ENAH: variants seen among roughly 807,000 people sequenced by gnomAD.
ENAH encodes ENAH actin regulator.
A neutral mutation model predicts 78.7 loss-of-function variants in ENAH; 23 were observed. The ratio of observed to expected loss-of-function variants is 0.29; its 90% CI spans 0.21 to 0.41. The LOEUF (loss-of-function observed/expected upper bound fraction) is 0.41, where lower values mean the gene tolerates loss of function less well. ENAH is among the 10% of genes least tolerant of loss of function. The probability of loss-of-function intolerance (pLI) is 1.00; values close to 1 mark genes in which losing one functional copy is unlikely to be tolerated. For missense variants in ENAH, 544 were observed against 691.0 expected, an observed-to-expected ratio of 0.79 and a Z score of 2.39; for synonymous variants, 226 against 241.0, an observed-to-expected ratio of 0.94 and a Z score of 0.58.
Position 225,607,272 on chromosome 1 carries a change from A to G in ENAH, c.6-39858T>C, listed in dbSNP as rs1187065249. On this transcript the variant is annotated intron_variant, in intron 1 of 13. Coordinates refer to ENST00000366843, the MANE Select transcript of ENAH (RefSeq NM_018212.6). ...CAAAACAAAAATCTCATGTTTTAAG[A>G]AAGTTTACGAATTTGTGTTGAGCCA... Among the ~76,000 whole-genome samples, 3 of 152,218 alleles carry G rather than the reference A, an allele frequency of 2.0e-5. No homozygotes were observed. In the East Asian group the frequency reaches 5.8e-4, roughly 29 times the overall value.
At chr1:225,545,980 G>A (rs576506683) in intron 3 of ENAH, among the ~76,000 whole-genome samples, 9 of 148,742 alleles carry the variant, frequency 6.1e-5, no homozygotes, top group Non-Finnish European at 1.3e-4. Flanking sequence ...GAGTGGTGCA[G>A]TGGCGTGATC....
At chr1:225,576,788 C>A (rs2096790357) in intron 1 of ENAH, among the ~76,000 whole-genome samples, 4 of 152,184 alleles carry the variant, frequency 2.6e-5, no homozygotes, top group Admixed American at 1.3e-4. Flanking sequence ...TCAGAGGAAA[C>A]CAGCACCAGC....
chr1:225,612,063 C>A (rs2096992754), intron 1 of ENAH, among the ~76,000 whole-genome samples: 1 of 152,150 alleles, frequency 6.6e-6, no homozygotes, highest in African/African-American at 2.4e-5. Flanking sequence ...TATCATGTAA[C>A]CCGGCCAATT....
At chr1:225,622,747 C>A (rs1251532367) in intron 1 of ENAH, among the ~76,000 whole-genome samples, 1 of 152,158 alleles carries the variant, frequency 6.6e-6, no homozygotes, top group Non-Finnish European at 1.5e-5. Context: ...AGGTTTCAAC[C>A]TAAGAATCTT....
chr1:225,583,412 C>T (rs1161216383), intron 1 of ENAH, among the ~76,000 whole-genome samples: 5 of 122,526 alleles, frequency 4.1e-5, no homozygotes, highest in East Asian at 2.4e-4. Flanking sequence ...CCAGACTGGG[C>T]GACAGAGGAA....
chr1:225,568,735 T>A (rs1171464854), intron 1 of ENAH, among the ~76,000 whole-genome samples: 2 of 152,204 alleles, frequency 1.3e-5, no homozygotes, highest in Non-Finnish European at 2.9e-5. Flanking sequence ...CCAAGAGGGA[T>A]AATGAAATGC....
chr1:225,623,587 G>GT (rs10600222), intron 1 of ENAH, among the ~76,000 whole-genome samples: 201 of 137,562 alleles, frequency 1.5e-3, no homozygotes, highest in South Asian at 9.5e-3. Context: ...TTTTTGTTGG[G>GT]TTTTTTTTTT....
intron 2 of ENAH, among the ~76,000 whole-genome samples, chr1:225,555,989 G>A (rs1050477942): frequency 2.0e-5 from 3 of 152,046 alleles, no homozygotes; most frequent in African/African-American, 7.2e-5. Flanking sequence ...TGTATTAAAC[G>A]TATCTGCTCT....
chr1:225,507,641 T>C (rs1009920684), intron 11 of ENAH, among the ~76,000 whole-genome samples: 2 of 152,176 alleles, frequency 1.3e-5, no homozygotes, highest in African/African-American at 4.8e-5. Flanking sequence ...GGTATACGCA[T>C]ATTCACTGTA....
chr1:225,567,130 GT>G, intron 2 of ENAH, 118 bp downstream of exon 2: 1 of 1,143,436 alleles, frequency 8.7e-7, no homozygotes, highest in Non-Finnish European at 1.2e-6. Context: ...TTTATATTCA[GT>G]TTTTCCCAGA....
chr1:225,572,394 C>G (rs2096767512), intron 1 of ENAH, among the ~76,000 whole-genome samples: 2 of 152,046 alleles, frequency 1.3e-5, no homozygotes, highest in East Asian at 3.9e-4. Flanking sequence ...GTGGTGGGGA[C>G]AAACATAACT....
chr1:225,514,941 G>GC lies in ENAH; in HGVS notation c.914-42dup, dbSNP rs764083828. On this transcript the variant is annotated intron_variant, in intron 6 of 13. Transcript: ENST00000366843. ...GTTAAGTAAGACCATCAACAATAGA[G>GC]CTGAGTGATATTATTTTATGTGGGA... 4 of 1,500,614 alleles carry GC rather than the reference G, an allele frequency of 2.7e-6. No individual in the cohort carries two copies. In the East Asian group the frequency reaches 9.1e-5, roughly 34 times the overall value. 93.0% of individuals were successfully genotyped at this position (1,500,614 alleles called of 1,614,324 possible). A position where few individuals can be genotyped will look rare whatever the true frequency, so the allele number is the denominator to read the frequency against.
intron 4 of ENAH, among the ~76,000 whole-genome samples, chr1:225,523,455 A>T (rs2096484447): frequency 6.6e-6 from 1 of 152,068 alleles, no homozygotes; most frequent in African/African-American, 2.4e-5. Context: ...AGGAGTGTCT[A>T]CTGATATAGG....
Position 225,486,939 on chromosome 1 carries a change from GGAGA to G in ENAH, c.*10832_*10835del, listed in dbSNP as rs1374971612. 6.6e-6 allele frequency: 1 copy of G among 152,644 alleles called. No individual in the cohort carries two copies. The highest frequency in any genetic ancestry group is 1.5e-5 in the Non-Finnish European group (1 of 68,040). 9.5% of individuals were successfully genotyped at this position (152,644 alleles called of 1,614,324 possible). Reference sequence around the variant, plus strand: ...CTGCAAAGTAGGAAAGAAAGCTGAGGGAGAGATTGATCCGATTTCAACGATGTGG... The same window carrying G: ...CTGCAAAGTAGGAAAGAAAGCTGAGGGATTGATCCGATTTCAACGATGTGG... On this transcript the variant is annotated 3_prime_UTR_variant, in exon 14 of 14. Coordinates refer to ENST00000366843, the MANE Select transcript of ENAH (RefSeq NM_018212.6).
At chr1:225,558,231 G>C (rs2096677813) in intron 2 of ENAH, among the ~76,000 whole-genome samples, 1 of 152,062 alleles carries the variant, frequency 6.6e-6, no homozygotes, top group Non-Finnish European at 1.5e-5. Flanking sequence ...AAATGAATTG[G>C]CACTGTAGAG....
intron 4 of ENAH, among the ~76,000 whole-genome samples, chr1:225,521,467 C>T (rs931953518): frequency 6.6e-6 from 1 of 151,702 alleles, no homozygotes; most frequent in Non-Finnish European, 1.5e-5. Context: ...ATGGTGGAAC[C>T]CTGTCTCTAC....
At chr1:225,544,790 T>C (rs1417378858) in intron 3 of ENAH, among the ~76,000 whole-genome samples, 22 of 152,188 alleles carry the variant, frequency 1.4e-4, no homozygotes, top group Admixed American at 1.4e-3. Flanking sequence ...ATGAACAATT[T>C]ATAAATCCAC....
At chr1:225,563,093 G>A (rs997915760) in intron 2 of ENAH, among the ~76,000 whole-genome samples, 6 of 152,044 alleles carry the variant, frequency 3.9e-5, no homozygotes, top group South Asian at 4.2e-4. Context: ...TTTTCTAATC[G>A]TTTATTGCTT....
intron 1 of ENAH, among the ~76,000 whole-genome samples, chr1:225,578,270 G>A (rs897296670): frequency 2.0e-5 from 3 of 152,118 alleles, no homozygotes; most frequent in Non-Finnish European, 2.9e-5. Context: ...TTAGAGATCA[G>A]CCTGGACAAA....
Sources: gnomAD v4.1 joint callset for allele counts (sites outside exome capture counted in the v4.1 genomes callset) on GRCh38, gnomAD v4.1.1 for gene constraint, MANE v1.5 for transcripts, NCBI Gene and HGNC (gene_info 2026-07-23, HGNC 2026-07-21) for gene names.